SDK1: variants seen among roughly 807,000 people sequenced by gnomAD.
SDK1 encodes sidekick cell adhesion molecule 1, also known as protein sidekick-1.
SDK1 carries 157 observed loss-of-function variants against 245.5 expected under a neutral mutation model. That is an observed-to-expected ratio of 0.64 (90% CI 0.56 to 0.73). SDK1 has a LOEUF of 0.73. Ranked by LOEUF, SDK1 falls within the 30% of genes least tolerant of loss-of-function variation. SDK1 has a pLI of 0.00. For synonymous variants in SDK1, 1,647 were observed against 1,278.5 expected (o/e 1.29, Z -6.15); for missense variants, 3,583 against 3,002.3 (o/e 1.19, Z -4.52).
chr7:4,075,616 C>T (rs370613850), intron 20 of SDK1, among the ~76,000 whole-genome samples: 8 of 151,256 alleles, frequency 5.3e-5, no homozygotes, highest in East Asian at 3.9e-4. Flanking sequence ...CCCCTCCACG[C>T]GGGTTGATTG....
intron 4 of SDK1, among the ~76,000 whole-genome samples, chr7:3,699,934 A>G (rs1784692339): frequency 6.6e-6 from 1 of 152,208 alleles, no homozygotes; most frequent in African/African-American, 2.4e-5. Flanking sequence ...ACAAAGAAAA[A>G]AAATTCTAAA....
chr7:3,877,259 CCT>C (rs1781098541), intron 5 of SDK1, among the ~76,000 whole-genome samples: 4 of 152,210 alleles, frequency 2.6e-5, no homozygotes, highest in Non-Finnish European at 5.9e-5. Flanking sequence ...GGAGAGTCCG[CCT>C]CTCTGAGCTA....
In SDK1 at chr7:3,972,765, C is replaced by T. The variant is rs573512917; in HGVS notation, c.1817+1197C>T. Reference sequence around the variant, plus strand: ...CGGCTGTTCTCTCGCGCTTCTTGAGCGGGTGTTTGGCCAATTGTAAATTTC... The same window carrying T: ...CGGCTGTTCTCTCGCGCTTCTTGAGTGGGTGTTTGGCCAATTGTAAATTTC... On this transcript the variant is annotated intron_variant, in intron 12 of 44. Coordinates refer to ENST00000404826, the MANE Select transcript of SDK1 (RefSeq NM_152744.4). Among the ~76,000 whole-genome samples the T allele has an allele frequency of 1.4e-3, 213 of 152,270 alleles. 2 individuals carry two copies. The highest frequency in any genetic ancestry group is 4.2e-4 in the South Asian group (2 of 4,816).
intron 5 of SDK1, among the ~76,000 whole-genome samples, chr7:3,941,115 G>T (rs1229505756): frequency 6.6e-6 from 1 of 152,050 alleles, no homozygotes. Flanking sequence ...CACCCACCAA[G>T]CAGCTCAAGC....
intron 5 of SDK1, among the ~76,000 whole-genome samples, chr7:3,908,054 C>G (rs1433982515): frequency 2.6e-5 from 4 of 152,190 alleles, no homozygotes; most frequent in African/African-American, 9.7e-5. Context: ...CTCATCTCTT[C>G]TCTGCGGCTT....
rs1784951312 is a variant in SDK1, at chr7:3,999,942, CAAAG to C, written c.2132-11022_2132-11019del. On this transcript the variant is annotated intron_variant, in intron 14 of 44. Transcript: ENST00000404826. Reference sequence around the variant, plus strand: ...GATGCCAGACCCGAGTCTTGTACAACAAAGAGCTGCACAAAGCTGGGAGCTAGGC... The same window carrying C: ...GATGCCAGACCCGAGTCTTGTACAACAGCTGCACAAAGCTGGGAGCTAGGC... Among the ~76,000 whole-genome samples, 3 of 152,236 alleles carry C rather than the reference CAAAG, an allele frequency of 2.0e-5. No homozygotes were observed. The South Asian group carries it at 6.2e-4, about 32-fold the overall frequency.
chr7:3,568,556 C>A (rs1290472029), intron 1 of SDK1, among the ~76,000 whole-genome samples: 1 of 152,184 alleles, frequency 6.6e-6, no homozygotes, highest in Admixed American at 6.5e-5. Context: ...ATCATTTGTG[C>A]TCTCTTCTGG....
chr7:4,092,016 G>A lies in SDK1; in HGVS notation c.3324+12432G>A, dbSNP rs145579854. ...AGCGAGCAGAACAAAACCGTCGGGC[G>A]TGTAGACACAAGCAGCACAGGCTTT... On this transcript the variant is annotated intron_variant, in intron 22 of 44. Transcript: ENST00000404826. Among the ~76,000 whole-genome samples, 1,019 of 152,216 alleles carry A rather than the reference G, an allele frequency of 6.7e-3. 12 individuals carry two copies. Among genetic ancestry groups the A allele is most frequent in the African/African-American group, 0.012 (488 of 41,536 alleles).
At chr7:3,829,962 A>G in intron 5 of SDK1, among the ~76,000 whole-genome samples, 1 of 152,148 alleles carries the variant, frequency 6.6e-6, no homozygotes. Context: ...TTACTAATGG[A>G]GCATCAGAAC....
At chr7:3,833,497 A>G (rs796643412) in intron 5 of SDK1, among the ~76,000 whole-genome samples, 2 of 152,322 alleles carry the variant, frequency 1.3e-5, no homozygotes, top group African/African-American at 4.8e-5. Flanking sequence ...TCTAATCCTT[A>G]AAACATTGGG....
chr7:3,430,994 G>A (rs1049193556), intron 1 of SDK1, among the ~76,000 whole-genome samples: 3 of 152,118 alleles, frequency 2.0e-5, no homozygotes, highest in African/African-American at 4.8e-5. Flanking sequence ...TCCGCCTCTC[G>A]GGTTCAAGTG....
chr7:3,854,699 A>T (rs1222009278), intron 5 of SDK1, among the ~76,000 whole-genome samples: 1 of 152,348 alleles, frequency 6.6e-6, no homozygotes, highest in East Asian at 1.9e-4. Flanking sequence ...TTCTGTAAAC[A>T]TTGAAAGAAT....
chr7:3,680,519 C>T (rs1784067255), intron 4 of SDK1, among the ~76,000 whole-genome samples: 1 of 152,096 alleles, frequency 6.6e-6, no homozygotes, highest in Non-Finnish European at 1.5e-5. Flanking sequence ...GTTCCAATGA[C>T]TATGCAGGTT....
At chr7:3,407,439 T>A (rs1204408841) in intron 1 of SDK1, among the ~76,000 whole-genome samples, 1 of 152,154 alleles carries the variant, frequency 6.6e-6, no homozygotes, top group Non-Finnish European at 1.5e-5. Flanking sequence ...GTGCCTTGGT[T>A]GACTGGTCTC....
chr7:3,345,526 A>G (rs1012880853), intron 1 of SDK1, among the ~76,000 whole-genome samples: 1 of 152,182 alleles, frequency 6.6e-6, no homozygotes, highest in African/African-American at 2.4e-5. Context: ...ATTTTATTTA[A>G]ATGGCAGAGA....
In SDK1 at chr7:4,242,847, A is replaced by G. The variant is rs576021591; in HGVS notation, c.6251+934A>G. Among the ~76,000 whole-genome samples the G allele has an allele frequency of 1.5e-4, 23 of 152,176 alleles. No homozygotes were observed. In the South Asian group the frequency reaches 4.6e-3, roughly 30 times the overall value. ...ATTCCCTGGGCCGCCCCCGCCCTCC[A>G]CTGAATTTGGGAATCTTAGATCACT... On this transcript the variant is annotated intron_variant, in intron 43 of 44. Transcript: ENST00000404826.
chr7:3,422,824 C>T (rs1354910837), intron 1 of SDK1, among the ~76,000 whole-genome samples: 5 of 152,150 alleles, frequency 3.3e-5, no homozygotes, highest in African/African-American at 9.6e-5. Flanking sequence ...GGGAAAAATA[C>T]CAGAAACAGC....
chr7:3,983,252 T>A (rs1486020358), intron 13 of SDK1, among the ~76,000 whole-genome samples: 1 of 152,190 alleles, frequency 6.6e-6, no homozygotes, highest in Non-Finnish European at 1.5e-5. Flanking sequence ...AGTTCTACTG[T>A]GGGTAAAATG....
intron 4 of SDK1, among the ~76,000 whole-genome samples, chr7:3,740,738 C>CT (rs1583361484): frequency 6.6e-6 from 1 of 152,130 alleles, no homozygotes; most frequent in East Asian, 1.9e-4. Context: ...CAAGATTCGT[C>CT]TGTTTTTCTT....
Sources: gnomAD v4.1 joint callset for allele counts (sites outside exome capture counted in the v4.1 genomes callset) on GRCh38, gnomAD v4.1.1 for gene constraint, MANE v1.5 for transcripts, NCBI Gene and HGNC (gene_info 2026-07-23, HGNC 2026-07-21) for gene names.